Variants in MAGEL2 observed in about 807,000 individuals in gnomAD.
MAGEL2 encodes the protein MAGE-like protein 2.
For missense variants in MAGEL2, 1,830 were observed against 1,699.2 expected (o/e 1.08, Z -1.35); for synonymous variants, 792 against 721.7 (o/e 1.10, Z -1.56).
In MAGEL2 at chr15:23,647,428, G is replaced by T. The variant is rs1185698740; in HGVS notation, c.315C>A (p.Pro105=). 6.5e-7 allele frequency: 1 copy of T among 1,535,970 alleles called. No individual in the cohort carries two copies. Among genetic ancestry groups the T allele is most frequent in the African/African-American group, 1.4e-5 (1 of 73,142 alleles). ...LGGPMGKPPT[P]GVLMVHPPPP... The stretch of plus-strand genomic sequence containing the variant: ...GTGGAGGATGCACCATCAGGACCCC[G>T]GGAGTCGGAGGCTTACCCATCGGGC... The change falls in exon 1 of 1, where the codon CCC becomes CCA. Residue 105 remains proline (P), a synonymous_variant. Transcript: ENST00000650528.
At position 23,645,446 on chromosome 15, in the gene MAGEL2, C is replaced by T. The variant is rs374826043; in HGVS notation, c.2297G>A (p.Arg766Gln). The change falls in exon 1 of 1, where the codon CGA (arginine) becomes CAA (glutamine). Residue 766 changes from arginine to glutamine, a missense_variant. Arg to Gln is a conservative substitution (Grantham distance 43). Coordinates refer to ENST00000650528, the MANE Select transcript of MAGEL2 (RefSeq NM_019066.5). ...FCAPKAVSAA[R>Q]AHLPAAWKNL... ...TTTCCAGGCAGCTGGCAGGTGTGCT[C>T]GCGCAGCTGACACTGCCTTGGGAGC... The T allele has an allele frequency of 9.3e-6, 15 of 1,613,764 alleles. No homozygotes were observed. The highest frequency in any genetic ancestry group is 1.7e-5 in the Admixed American group (1 of 60,006).
Position 23,646,178 on chromosome 15 carries a change from G to A in MAGEL2, c.1565C>T (p.Pro522Leu). The A allele has an allele frequency of 1.5e-6, 2 of 1,333,606 alleles. No homozygotes were observed. 82.6% of individuals were successfully genotyped at this position (1,333,606 alleles called of 1,614,324 possible). A position where few individuals can be genotyped will look rare whatever the true frequency, so the allele number is the denominator to read the frequency against. Residue 522 changes from proline (P) to leucine (L), a missense_variant, in exon 1 of 1, where the codon CCA (proline) becomes CTA (leucine). By Grantham distance (98) the Pro-to-Leu change is moderately conservative (BLOSUM62 -3). Transcript: ENST00000650528. This position sits in a 1 kb window ranked among gnomAD's most constrained non-coding sequence, Gnocchi z 4.2. The stretch of plus-strand genomic sequence containing the variant: ...CCTAGCCTGCGGGGCCTGCCGCAGT[G>A]GAGGTGGGGGTGGCAGGGCCTGCCA... ...PLWQALPPPPPLRQAPQARLP... is the reference protein window; with the variant it reads ...PLWQALPPPPLLRQAPQARLP...
In MAGEL2 at chr15:23,644,616, G is replaced by A. The variant is rs772582222; in HGVS notation, c.3127C>T (p.Arg1043Cys). Residue 1043 changes from arginine to cysteine, a missense_variant, in exon 1 of 1, where the codon CGC (arginine) becomes TGC (cysteine). By Grantham distance (180) the Arg-to-Cys change is radical. Transcript: ENST00000650528. ...AGGATGACTTTCACCATCTCCGAGC[G>A]CTGGACAGGCACCTTGGCTTGGTCC... ...VKDQAKVPVQ[R>C]SEMVKVILRE... 8 of 1,613,856 alleles carry A rather than the reference G, an allele frequency of 5.0e-6. No individual in the cohort carries two copies. Among genetic ancestry groups the A allele is most frequent in the South Asian group, 4.4e-5 (4 of 91,074 alleles).
At position 23,645,617 on chromosome 15, in the gene MAGEL2, C is replaced by T. The variant is rs1383123636; in HGVS notation, c.2126G>A (p.Gly709Asp). Residue 709 changes from glycine to aspartate, a missense_variant, in exon 1 of 1, where the codon GGC becomes GAC. Transcript: ENST00000650528. ...TGGAGTCATCAATGATTTAGCGGAG[C>T]CCAGGGGAAAATTTGCCGCTGCTAC... ...PPVAAANFPL[G>D]SAKSLMTPSG... 2 of 1,595,708 alleles carry T rather than the reference C, an allele frequency of 1.3e-6. No homozygotes were observed. Among genetic ancestry groups the T allele is most frequent in the Non-Finnish European group, 1.7e-6 (2 of 1,171,720 alleles).
At position 23,647,845 on chromosome 15, in the gene MAGEL2, C is replaced by T. The variant is rs1345736160; in HGVS notation, c.-103G>A. ...ACGTGGCTGTTCAGAGGCTCCCTCCCTGCTGAATGCTGAATAGGAAGTGAG... is the reference window on the plus strand; with the variant it reads ...ACGTGGCTGTTCAGAGGCTCCCTCCTTGCTGAATGCTGAATAGGAAGTGAG... On this transcript the variant is annotated 5_prime_UTR_variant, in exon 1 of 1. Transcript: ENST00000650528. 22 of 1,187,102 alleles carry T rather than the reference C, an allele frequency of 1.9e-5. No homozygotes were observed. Among genetic ancestry groups the T allele is most frequent in the South Asian group, 7.3e-5 (4 of 54,672 alleles). The allele number at this position is 1,187,102 out of a possible 1,614,324, so 73.5% of individuals were successfully genotyped here. A position where few individuals can be genotyped will look rare whatever the true frequency, so the allele number is the denominator to read the frequency against.
At position 23,644,119 on chromosome 15, in the gene MAGEL2, A is replaced by G. The variant is rs1890338646; in HGVS notation, c.3624T>C (p.Asp1208=). 1 of 1,613,906 alleles carries G rather than the reference A, an allele frequency of 6.2e-7. No homozygotes were observed. Among genetic ancestry groups the G allele is most frequent in the Non-Finnish European group, 8.5e-7 (1 of 1,179,882 alleles). Reference sequence around the variant, plus strand: ...GGTAATGGAATGGCCAGCTCTGTGGATCTTTCTTATGGAGCTTGGCCAAAA... The same window carrying G: ...GGTAATGGAATGGCCAGCTCTGTGGGTCTTTCTTATGGAGCTTGGCCAAAA... ...LRFLAKLHKK[D]PQSWPFHYLE... Residue 1208 remains aspartate (D), a synonymous_variant, in exon 1 of 1, where the codon GAT becomes GAC. Coordinates refer to ENST00000650528, the MANE Select transcript of MAGEL2 (RefSeq NM_019066.5).
chr15:23,644,082 C>T lies in MAGEL2; in HGVS notation c.3661G>A (p.Ala1221Thr), dbSNP rs779840896. Residue 1221 changes from alanine (A) to threonine (T), a missense_variant, in exon 1 of 1, where the codon GCA becomes ACA. Physicochemically the swap from Ala to Thr is moderately conservative, Grantham distance 58. Transcript: ENST00000650528. Reference protein sequence around the residue: ...SWPFHYLEALAECEWEDTDED... With the variant: ...SWPFHYLEALTECEWEDTDED... ...TCTGTGTCTTCCCACTCACACTCTG[C>T]GAGCGCTTCAAGGTAATGGAATGGC... The T allele has an allele frequency of 7.4e-6, 12 of 1,613,720 alleles. No individual in the cohort carries two copies. Among genetic ancestry groups the T allele is most frequent in the South Asian group, 4.4e-5 (4 of 91,068 alleles).
chr15:23,645,545 T>C lies in MAGEL2; in HGVS notation c.2198A>G (p.Lys733Arg). 6.2e-7 allele frequency: 1 copy of C among 1,613,534 alleles called. No homozygotes were observed. Among genetic ancestry groups the C allele is most frequent in the Non-Finnish European group, 8.5e-7 (1 of 1,179,686 alleles). ...CTCCTTCGAGGAGGTCCTGCGCTCTTTAGAGGAGCCCCTGCGGTCTATAGA... is the reference window on the plus strand; with the variant it reads ...CTCCTTCGAGGAGGTCCTGCGCTCTCTAGAGGAGCCCCTGCGGTCTATAGA... ...ASSIDRRGSS[K>R]ERRTSSKERR... is the part of the protein sequence containing the mutation. Residue 733 changes from lysine to arginine, a missense_variant, in exon 1 of 1, where the codon AAA becomes AGA. Transcript: ENST00000650528.
Position 23,646,394 on chromosome 15 carries a change from ACGGGTGGGG to A in MAGEL2, c.1340_1348del (p.Ala447_Pro449del). The A allele has an allele frequency of 1.4e-6, 2 of 1,391,506 alleles. No homozygotes were observed. The highest frequency in any genetic ancestry group is 1.7e-5 in the South Asian group (1 of 60,094). The allele number at this position is 1,391,506 out of a possible 1,614,324, so 86.2% of individuals were successfully genotyped here. On this transcript the variant is annotated inframe_deletion, in exon 1 of 1. Coordinates refer to ENST00000650528, the MANE Select transcript of MAGEL2 (RefSeq NM_019066.5). The surrounding 1 kb of genome is among the most constrained non-coding windows in gnomAD (Gnocchi z 4.2). ...GATCACGGGTGGGGCCTGGCGGATC[ACGGGTGGGG>A]CCTGGCGGATCACCGGTGGGGCCTG...
In MAGEL2 at chr15:23,647,150, G is replaced by A. The variant is rs1299701259; in HGVS notation, c.593C>T (p.Pro198Leu). ...CCCCGGAGGGGGAGGATGAGCCATCGGTGTCCCCGGAGGGGGAGGATGAGC... is the reference window on the plus strand; with the variant it reads ...CCCCGGAGGGGGAGGATGAGCCATCAGTGTCCCCGGAGGGGGAGGATGAGC... ...PMAHPPPPGT[P>L]MAHPPPPGTP... Residue 198 changes from proline (P) to leucine (L), a missense_variant, in exon 1 of 1, where the codon CCG becomes CTG. Physicochemically the swap from Pro to Leu is moderately conservative, Grantham distance 98. Transcript: ENST00000650528. The A allele has an allele frequency of 1.2e-5, 18 of 1,526,382 alleles. No individual in the cohort carries two copies. Among genetic ancestry groups the A allele is most frequent in the Non-Finnish European group, 1.3e-5 (15 of 1,142,156 alleles). 94.6% of individuals were successfully genotyped at this position (1,526,382 alleles called of 1,614,324 possible). A position where few individuals can be genotyped will look rare whatever the true frequency, so the allele number is the denominator to read the frequency against.
Position 23,647,175 on chromosome 15 carries a change from C to T in MAGEL2, c.568G>A (p.Ala190Thr). 6.6e-7 allele frequency: 1 copy of T among 1,522,136 alleles called. No homozygotes were observed. The highest frequency in any genetic ancestry group is 8.8e-7 in the Non-Finnish European group (1 of 1,140,308). 94.3% of individuals were successfully genotyped at this position (1,522,136 alleles called of 1,614,324 possible). A position where few individuals can be genotyped will look rare whatever the true frequency, so the allele number is the denominator to read the frequency against. ...VHPPPPGTPM[A>T]HPPPPGTPMA... is the part of the protein sequence containing the mutation. Reference sequence around the variant, plus strand: ...GGTGTCCCCGGAGGGGGAGGATGAGCCATCGGGGTCCCCGGAGGAGGAGGA... The same window carrying T: ...GGTGTCCCCGGAGGGGGAGGATGAGTCATCGGGGTCCCCGGAGGAGGAGGA... Residue 190 changes from alanine (A) to threonine (T), a missense_variant, in exon 1 of 1, where the codon GCT (alanine) becomes ACT (threonine). Ala to Thr is a moderately conservative substitution (Grantham distance 58). Transcript: ENST00000650528.
Position 23,646,814 on chromosome 15 carries a change from T to C in MAGEL2, c.929A>G (p.Gln310Arg), listed in dbSNP as rs955172317. ...CGGCTGTGCAGGTGGGGCCGCCGGC[T>C]GTGCCATCGGTGCTCCTGAAGCTGG... ...QPPASGAPMA[Q>R]PAAPPAQPMA... The change falls in exon 1 of 1, where the codon CAG becomes CGG. Residue 310 changes from glutamine (Q) to arginine (R), a missense_variant. Transcript: ENST00000650528. The surrounding 1 kb of genome is among the most constrained non-coding windows in gnomAD (Gnocchi z 4.2). 2 of 1,536,048 alleles carry C rather than the reference T, an allele frequency of 1.3e-6. No individual in the cohort carries two copies. The highest frequency in any genetic ancestry group is 2.0e-5 in the Admixed American group (1 of 50,974).
Position 23,645,277 on chromosome 15 carries a change from C to T in MAGEL2, c.2466G>A (p.Gln822=). 3 of 1,613,992 alleles carry T rather than the reference C, an allele frequency of 1.9e-6. No individual in the cohort carries two copies. In the South Asian group the frequency reaches 3.3e-5, roughly 18 times the overall value. The change falls in exon 1 of 1, where the codon CAG becomes CAA. Residue 822 remains glutamine (Q), a synonymous_variant. Transcript: ENST00000650528. The part of the protein sequence containing the change: ...ETPKSLPYAL[Q]DPFACVEALP... ...GGGCCTCTACACAGGCAAAGGGATC[C>T]TGCAGAGCATATGGCAGTGACTTTG...
Position 23,646,499 on chromosome 15 carries a change from G to C in MAGEL2, c.1244C>G (p.Pro415Arg). 6.9e-7 allele frequency: 1 copy of C among 1,457,156 alleles called. No homozygotes were observed. 90.3% of individuals were successfully genotyped at this position (1,457,156 alleles called of 1,614,324 possible). ...VPPPMRQGPP[P>R]IRPGPPPIRP... is the part of the protein sequence containing the mutation. ...GATGGGTGGTGGGCCAGGGCGGATG[G>C]GCGGGGGCCCCTGGCGCATGGGCGG... is the stretch of plus-strand genomic sequence containing the variant. Residue 415 changes from proline to arginine, a missense_variant, in exon 1 of 1, where the codon CCC (proline) becomes CGC (arginine). Transcript: ENST00000650528. The surrounding 1 kb of genome is among the most constrained non-coding windows in gnomAD (Gnocchi z 4.2).
chr15:23,646,143 G>A lies in MAGEL2; in HGVS notation c.1600C>T (p.Pro534Ser). Residue 534 changes from proline (P) to serine (S), a missense_variant, in exon 1 of 1, where the codon CCG becomes TCG. By Grantham distance (74) the Pro-to-Ser change is moderately conservative (BLOSUM62 -1). Transcript: ENST00000650528. The surrounding 1 kb of genome is among the most constrained non-coding windows in gnomAD (Gnocchi z 4.2). ...RQAPQARLPAPQVQAAPQVPT... is the reference protein window; with the variant it reads ...RQAPQARLPASQVQAAPQVPT... ...ACCTGCGGCGCCGCCTGCACCTGCG[G>A]GGCCGGCAGCCTAGCCTGCGGGGCC... is the stretch of plus-strand genomic sequence containing the variant. The A allele has an allele frequency of 1.5e-6, 2 of 1,348,742 alleles. No homozygotes were observed. The highest frequency in any genetic ancestry group is 3.1e-5 in the African/African-American group (2 of 64,668). 83.5% of individuals were successfully genotyped at this position (1,348,742 alleles called of 1,614,324 possible).
rs530578154 is a variant in MAGEL2, at chr15:23,647,138, G to A, written c.605C>T (p.Pro202Leu). 2.6e-6 allele frequency: 4 copies of A among 1,528,910 alleles called. No homozygotes were observed. Among genetic ancestry groups the A allele is most frequent in the East Asian group, 4.9e-5 (2 of 40,844 alleles). 94.7% of individuals were successfully genotyped at this position (1,528,910 alleles called of 1,614,324 possible). A position where few individuals can be genotyped will look rare whatever the true frequency, so the allele number is the denominator to read the frequency against. The change falls in exon 1 of 1, where the codon CCT (proline) becomes CTT (leucine). Residue 202 changes from proline to leucine, a missense_variant. Transcript: ENST00000650528. ...PPPPGTPMAH[P>L]PPPGTPMAHP... ...AGCCATCGGTGTCCCCGGAGGGGGA[G>A]GATGAGCCATCGGTGTCCCCGGAGG...
Position 23,647,861 on chromosome 15 carries a change from A to G in MAGEL2, c.-119T>C, listed in dbSNP as rs1890456803. The G allele has an allele frequency of 2.8e-6, 3 of 1,072,448 alleles. No homozygotes were observed. The highest frequency in any genetic ancestry group is 6.7e-5 in the Admixed American group (2 of 29,980). The allele number at this position is 1,072,448 out of a possible 1,614,324, so 66.4% of individuals were successfully genotyped here. On this transcript the variant is annotated 5_prime_UTR_variant, in exon 1 of 1. Transcript: ENST00000650528. ...GCTCCCTCCCTGCTGAATGCTGAATAGGAAGTGAGTGCTGCTCGCTCCGCA... is the reference window on the plus strand; with the variant it reads ...GCTCCCTCCCTGCTGAATGCTGAATGGGAAGTGAGTGCTGCTCGCTCCGCA...
Position 23,645,620 on chromosome 15 carries a change from AG to A in MAGEL2, c.2122del (p.Leu708TrpfsTer7). On this transcript the variant is annotated frameshift_variant, in exon 1 of 1. Transcript: ENST00000650528. LOFTEE classifies it low-confidence loss of function (END_TRUNC). ...GPPVAAANFPLGSAKSLMTPS... is the reference protein window; with the variant it reads ...GPPVAAANFPXGSAKSLMTPS... ...AGTCATCAATGATTTAGCGGAGCCC[AG>A]GGGAAAATTTGCCGCTGCTACCGGG... 6.3e-7 allele frequency: 1 copy of A among 1,595,160 alleles called. No individual in the cohort carries two copies. The highest frequency in any genetic ancestry group is 8.5e-7 in the Non-Finnish European group (1 of 1,171,516).
rs566506798 is a variant in MAGEL2, at chr15:23,643,973, C to A, written c.*20G>T. 4.6e-6 allele frequency: 7 copies of A among 1,534,878 alleles called. No homozygotes were observed. The East Asian group carries it at 1.4e-4, about 30-fold the overall frequency. On this transcript the variant is annotated 3_prime_UTR_variant, in exon 1 of 1. Coordinates refer to ENST00000650528, the MANE Select transcript of MAGEL2 (RefSeq NM_019066.5). ...GCCTCTGGCCAGGGAAACACAGGAG[C>A]GAGATCTCTGCTACACCTATTAGCG...
Sources: gnomAD v4.1 joint callset for allele counts on GRCh38, gnomAD v4.1.1 for gene constraint, Gnocchi (gnomAD v3.1) non-coding constraint, MANE v1.5 for transcripts, NCBI Gene and HGNC (gene_info 2026-07-23, HGNC 2026-07-21) for gene names.